Variants in DHDDS observed in about 807,000 individuals in gnomAD.
DHDDS encodes the protein dehydrodolichyl diphosphate synthase complex subunit DHDDS.
DHDDS carries 16 observed loss-of-function variants against 46.2 expected under a neutral mutation model. The observed-to-expected ratio is 0.35, with a 90% CI of 0.23 to 0.53. DHDDS has a LOEUF of 0.53. Among genes scored for constraint, DHDDS ranks in the 20% least tolerant of loss-of-function variants. The pLI, the probability that DHDDS is intolerant of heterozygous loss-of-function variation, is 0.94. For synonymous variants in DHDDS, 151 were observed against 163.1 expected (o/e 0.93, Z 0.56); for missense variants, 340 against 423.7 (o/e 0.80, Z 1.73).
At chr1:26,459,958 C>A in intron 7 of DHDDS, 79 bp from the exon 8 acceptor site, 1 of 1,213,862 alleles carries the variant, frequency 8.2e-7, no homozygotes, top group Non-Finnish European at 1.2e-6. Flanking sequence ...GCTTAGCCTG[C>A]TTTTTCCCTG....
intron 7 of DHDDS, among the ~76,000 whole-genome samples, chr1:26,459,478 G>A (rs138640711): frequency 5.3e-4 from 80 of 152,246 alleles, no homozygotes; most frequent in African/African-American, 1.9e-3. Context: ...CTGAAAATTA[G>A]GTATTCCTAT....
At chr1:26,462,851 ACC>A (rs1341994860) in intron 8 of DHDDS, 1 of 152,228 alleles carries the variant, frequency 6.6e-6, no homozygotes, top group Non-Finnish European at 1.5e-5. Flanking sequence ...CAAGATCTCT[ACC>A]TTTGTGGAAC....
chr1:26,450,783 G>A (rs2075311703), intron 6 of DHDDS, among the ~76,000 whole-genome samples: 1 of 152,138 alleles, frequency 6.6e-6, no homozygotes, highest in African/African-American at 2.4e-5. Context: ...GACAGAAAAG[G>A]GGTATAGAAA....
In DHDDS at chr1:26,469,061, A is replaced by G. The variant is rs2075524575; in HGVS notation, c.932A>G (p.Gln311Arg). Residue 311 changes from glutamine to arginine, a missense_variant, in exon 9 of 9, where the codon CAA becomes CGA. By Grantham distance (43) the Gln-to-Arg change is conservative (BLOSUM62 1). Coordinates refer to ENST00000236342, the MANE Select transcript of DHDDS (RefSeq NM_205861.3). ...TCGGCCAGACGGGAAGAGCGAGTCC[A>G]AGGCTTCCTGCAGGCCTTGGAACTC... ...KLSARREERV[Q>R]GFLQALELKR... is the part of the protein sequence containing the mutation. 1 of 1,613,714 alleles carries G rather than the reference A, an allele frequency of 6.2e-7. No individual in the cohort carries two copies. The highest frequency in any genetic ancestry group is 8.5e-7 in the Non-Finnish European group (1 of 1,180,026).
chr1:26,438,338 A>T, intron 3 of DHDDS, 54 bp downstream of exon 3: 2 of 1,527,214 alleles, frequency 1.3e-6, no homozygotes, highest in Non-Finnish European at 1.8e-6. Flanking sequence ...GGTAGATTAT[A>T]GCTAGAAAAC....
At chr1:26,433,937 T>C (rs1379030549) in intron 2 of DHDDS, among the ~76,000 whole-genome samples, 1 of 152,168 alleles carries the variant, frequency 6.6e-6, no homozygotes, top group Non-Finnish European at 1.5e-5. Context: ...GATTCTCATA[T>C]TGGCCAGGCT....
At chr1:26,453,189 T>C (rs2075338062) in intron 6 of DHDDS, among the ~76,000 whole-genome samples, 1 of 152,178 alleles carries the variant, frequency 6.6e-6, no homozygotes, top group African/African-American at 2.4e-5. Context: ...CTCTGAATCA[T>C]GCTTTTATCA....
chr1:26,432,958 A>G lies in DHDDS; in HGVS notation c.13A>G (p.Lys5Glu). 1 of 1,614,186 alleles carries G rather than the reference A, an allele frequency of 6.2e-7. No homozygotes were observed. The highest frequency in any genetic ancestry group is 8.5e-7 in the Non-Finnish European group (1 of 1,180,028). Reference sequence around the variant, plus strand: ...CTGGAAAAGAACTATGTCATGGATCAAGGAAGGAGAGCTGTCACTTTGGGA... The same window carrying G: ...CTGGAAAAGAACTATGTCATGGATCGAGGAAGGAGAGCTGTCACTTTGGGA... MSWI[K>E]EGELSLWERF... Residue 5 changes from lysine to glutamate, a missense_variant, in exon 2 of 9, where the codon AAG (lysine) becomes GAG (glutamate). Physicochemically the swap from Lys to Glu is moderately conservative, Grantham distance 56. Transcript: ENST00000236342.
In DHDDS at chr1:26,432,985, C is replaced by G. The variant is rs1429309776; in HGVS notation, c.40C>G (p.Arg14Gly). The G allele has an allele frequency of 3.7e-6, 6 of 1,614,180 alleles. No individual in the cohort carries two copies. In the South Asian group the frequency reaches 5.5e-5, roughly 15 times the overall value. Residue 14 changes from arginine (R) to glycine (G), a missense_variant, in exon 2 of 9, where the codon CGG (arginine) becomes GGG (glycine). Around this residue, in one of 2 missense-constraint regions of DHDDS, gnomAD observed 72 missense variants for 123.5 expected, o/e 0.58. Coordinates refer to ENST00000236342, the MANE Select transcript of DHDDS (RefSeq NM_205861.3). The part of the protein sequence containing the change: ...IKEGELSLWE[R>G]FCANIIKAGP... Reference sequence around the variant, plus strand: ...GGAAGGAGAGCTGTCACTTTGGGAGCGGTTCTGTGCCAACATCATAAAGGT... The same window carrying G: ...GGAAGGAGAGCTGTCACTTTGGGAGGGGTTCTGTGCCAACATCATAAAGGT...
chr1:26,446,566 G>T, intron 5 of DHDDS, 134 bp downstream of exon 5: 1 of 779,158 alleles, frequency 1.3e-6, no homozygotes, highest in Non-Finnish European at 2.3e-6. Flanking sequence ...GCAGCTTAGA[G>T]ACTTTCTCCG....
chr1:26,451,850 G>T (rs1343676999), intron 6 of DHDDS, among the ~76,000 whole-genome samples: 1 of 151,626 alleles, frequency 6.6e-6, no homozygotes, highest in African/African-American at 2.4e-5. Context: ...GGATGGTCTC[G>T]ATCTCCTGAC....
At position 26,469,190 on chromosome 1, in the gene DHDDS, T is replaced by G; in HGVS notation, c.*59T>G. ...TCTGCCTCCAGGGCTCCACTCCCCT[T>G]CCTTTTCTTGGTGAAAGGCACCTCC... On this transcript the variant is annotated 3_prime_UTR_variant, in exon 9 of 9. Coordinates refer to ENST00000236342, the MANE Select transcript of DHDDS (RefSeq NM_205861.3). 9 of 1,608,590 alleles carry G rather than the reference T, an allele frequency of 5.6e-6. No homozygotes were observed. Among genetic ancestry groups the G allele is most frequent in the Non-Finnish European group, 7.6e-6 (9 of 1,179,974 alleles).
chr1:26,455,255 G>C (rs902367536), intron 6 of DHDDS: 1 of 616,452 alleles, frequency 1.6e-6, no homozygotes, highest in Non-Finnish European at 2.9e-6. Context: ...AAGAGAATGA[G>C]AAATTATATG....
chr1:26,460,755 G>A (rs2124505078), intron 8 of DHDDS, among the ~76,000 whole-genome samples: 1 of 152,294 alleles, frequency 6.6e-6, no homozygotes, highest in Admixed American at 6.5e-5. Flanking sequence ...GTGATTTCAT[G>A]TAAGTTTTCT....
At chr1:26,468,795 A>T in intron 8 of DHDDS, 100 bp from the exon 9 acceptor site, 4 of 1,441,072 alleles carry the variant, frequency 2.8e-6, no homozygotes, top group African/African-American at 1.4e-5. Flanking sequence ...GTTCCACTTC[A>T]CTTGGCCCAC....
At chr1:26,432,852 A>G in intron 1 of DHDDS, 39 bp from the exon 2 acceptor site, 1 of 1,398,936 alleles carries the variant, frequency 7.1e-7, no homozygotes, top group Non-Finnish European at 1.0e-6. Flanking sequence ...CTCTTCGCAA[A>G]CCTTGGTGAC....
Position 26,433,003 on chromosome 1 carries a change from A to G in DHDDS, c.58A>G (p.Ile20Val), listed in dbSNP as rs955247503. ...SLWERFCANI[I>V]KAGPMPKHIA... ...TTGGGAGCGGTTCTGTGCCAACATC[A>G]TAAAGGTGAGCAATGGCCCAGAGCA... is the stretch of plus-strand genomic sequence containing the variant. Residue 20 changes from isoleucine to valine, a missense_variant, in exon 2 of 9, where the codon ATA (isoleucine) becomes GTA (valine). Physicochemically the swap from Ile to Val is conservative, Grantham distance 29. This residue lies in a region of DHDDS where 72 missense variants were observed against 123.5 expected (regional missense o/e 0.58). Transcript: ENST00000236342. The G allele has an allele frequency of 3.7e-6, 6 of 1,614,226 alleles. No homozygotes were observed. The African/African-American group carries it at 4.0e-5, about 11-fold the overall frequency.
chr1:26,460,646 C>T (rs2075413013), intron 8 of DHDDS, among the ~76,000 whole-genome samples: 1 of 152,176 alleles, frequency 6.6e-6, no homozygotes, highest in Non-Finnish European at 1.5e-5. Flanking sequence ...ATCACCAAAT[C>T]TTGAAACAGG....
chr1:26,448,193 CTT>C (rs11300095), intron 6 of DHDDS: 164 of 121,324 alleles, frequency 1.4e-3, no homozygotes, highest in South Asian at 3.5e-3. Context: ...TTTTTCTTTT[CTT>C]TTTTTTTTTT....
Sources: gnomAD v4.1 joint callset for allele counts (sites outside exome capture counted in the v4.1 genomes callset) on GRCh38, gnomAD v4.1.1 for gene constraint, gnomAD v4.1.1 regional missense constraint, MANE v1.5 for transcripts, NCBI Gene and HGNC (gene_info 2026-07-23, HGNC 2026-07-21) for gene names.